PAPOLG: variants seen among roughly 807,000 people sequenced by gnomAD.
PAPOLG encodes poly(A) polymerase gamma, also known as PAP-gamma.
A neutral mutation model predicts 99.0 loss-of-function variants in PAPOLG; 40 were observed. The observed-to-expected ratio is 0.40, with a 90% confidence interval of 0.31 to 0.53. The LOEUF is 0.53. Among genes scored for constraint, PAPOLG ranks in the 20% least tolerant of loss-of-function variants. The pLI is 0.41. For synonymous variants in PAPOLG, 310 were observed against 299.3 expected (o/e 1.04, Z -0.37); for missense variants, 675 against 884.1 (o/e 0.76, Z 3.00).
chr2:60,757,243 C>G (rs1434466080), intron 1 of PAPOLG, among the ~76,000 whole-genome samples: 1 of 152,238 alleles, frequency 6.6e-6, no homozygotes, highest in Non-Finnish European at 1.5e-5. Flanking sequence ...CACGCACACA[C>G]ACGGTGTGTA....
In PAPOLG at chr2:60,756,338, G is replaced by T. The variant is rs180891538; in HGVS notation, c.-141G>T. 33 of 1,008,302 alleles carry T rather than the reference G, an allele frequency of 3.3e-5. 1 individual carries two copies. In the South Asian group the frequency reaches 4.4e-4, roughly 13 times the overall value. 62.5% of individuals were successfully genotyped at this position (1,008,302 alleles called of 1,614,324 possible). ...TGGTGTTTTCACTACTCGGTTGGAT[G>T]CCTCAGCCATAGTAAGTGGGAAAGT... On this transcript the variant is annotated 5_prime_UTR_variant, in exon 1 of 22. It removes an upstream start codon present in the reference 5' UTR. Transcript: ENST00000238714.
Position 60,801,866 on chromosome 2 carries a change from T to C in PAPOLG, c.*4706T>C, listed in dbSNP as rs1033181214. ...ATTTGAACAAAGACCCACGTACTTATCTTAGAAAGTACTTAGGATATCTTT... is the reference window on the plus strand; with the variant it reads ...ATTTGAACAAAGACCCACGTACTTACCTTAGAAAGTACTTAGGATATCTTT... On this transcript the variant is annotated 3_prime_UTR_variant, in exon 22 of 22. Coordinates refer to ENST00000238714, the MANE Select transcript of PAPOLG (RefSeq NM_022894.4). 2 of 114,130 alleles carry C rather than the reference T, an allele frequency of 1.8e-5. No homozygotes were observed. The highest frequency in any genetic ancestry group is 1.6e-4 in the Admixed American group (2 of 12,158). 7.1% of individuals were successfully genotyped at this position (114,130 alleles called of 1,614,324 possible).
At chr2:60,780,123 T>G (rs1418594537) in intron 9 of PAPOLG, among the ~76,000 whole-genome samples, 1 of 152,218 alleles carries the variant, frequency 6.6e-6, no homozygotes, top group Non-Finnish European at 1.5e-5. Context: ...TTGCTGTTAC[T>G]AAATTATCGG....
At chr2:60,792,589 G>A (rs560089026) in intron 17 of PAPOLG, among the ~76,000 whole-genome samples, 3 of 152,250 alleles carry the variant, frequency 2.0e-5, no homozygotes, top group Non-Finnish European at 2.9e-5. Context: ...AAATGTTAAA[G>A]TACAGGCCTG....
intron 18 of PAPOLG, 120 bp from the exon 19 acceptor site, chr2:60,793,851 C>T: frequency 7.1e-7 from 1 of 1,409,668 alleles, no homozygotes; most frequent in Non-Finnish European, 9.6e-7. Flanking sequence ...GTCAAGGCTG[C>T]AGTGAGCTGT....
intron 3 of PAPOLG, among the ~76,000 whole-genome samples, chr2:60,768,166 A>G (rs948580819): frequency 1.3e-5 from 2 of 152,144 alleles, no homozygotes; most frequent in Admixed American, 1.3e-4. Flanking sequence ...GCAATGGCAC[A>G]ATCTCGGCCG....
chr2:60,794,672 G>C, intron 19 of PAPOLG, 38 bp from the exon 20 acceptor site: 11 of 1,555,844 alleles, frequency 7.1e-6, no homozygotes, highest in Non-Finnish European at 9.7e-6. Context: ...GTTTTTGTAG[G>C]TACATAATAG....
rs1319026543 is a variant in PAPOLG at position 60,781,931 on chromosome 2, C to T, written c.953C>T (p.Ala318Val). The change falls in exon 11 of 22, where the codon GCC (alanine) becomes GTC (valine). Residue 318 changes from alanine to valine, a missense_variant. Transcript: ENST00000238714. ...CATCTCATGCCCATAATCACCCCTG[C>T]CTACCCACAACAGAATTCTACGTAT... The part of the protein sequence containing the change: ...RYHLMPIITP[A>V]YPQQNSTYNV... 2 of 1,613,796 alleles carry T rather than the reference C, an allele frequency of 1.2e-6. No homozygotes were observed. Among genetic ancestry groups the T allele is most frequent in the Non-Finnish European group, 1.7e-6 (2 of 1,179,728 alleles).
At position 60,794,087 on chromosome 2, in the gene PAPOLG, C is replaced by T; in HGVS notation, c.1885C>T (p.Pro629Ser). Residue 629 changes from proline (P) to serine (S), a missense_variant, in exon 19 of 22, where the codon CCG becomes TCG. Physicochemically the swap from Pro to Ser is moderately conservative, Grantham distance 74. Coordinates refer to ENST00000238714, the MANE Select transcript of PAPOLG (RefSeq NM_022894.4). ...ACCTCACAACCCTGCCCAGGGACAA[C>T]CGCATCTGAATGGAATGTCAAATAT... ...TTPHNPAQGQ[P>S]HLNGMSNITK... 6.2e-7 allele frequency: 1 copy of T among 1,614,142 alleles called. No homozygotes were observed. The highest frequency in any genetic ancestry group is 8.5e-7 in the Non-Finnish European group (1 of 1,180,018).
rs1670349757 is a variant in PAPOLG, at chr2:60,756,634, CG to C, written c.17+141del. On this transcript the variant is annotated intron_variant, in intron 1 of 21. Coordinates refer to ENST00000238714, the MANE Select transcript of PAPOLG (RefSeq NM_022894.4). Reference sequence around the variant, plus strand: ...GATGGTCTCCTTCCCGGCTCCCGGCCGGTCCGCAAGGGCACCTCCCCTAAAC... The same window carrying C: ...GATGGTCTCCTTCCCGGCTCCCGGCCGTCCGCAAGGGCACCTCCCCTAAAC... The C allele has an allele frequency of 1.4e-5, 14 of 991,178 alleles. 1 individual carries two copies. Among genetic ancestry groups the C allele is most frequent in the Non-Finnish European group, 1.9e-5 (13 of 688,806 alleles). The allele number at this position is 991,178 out of a possible 1,614,324, so 61.4% of individuals were successfully genotyped here.
intron 1 of PAPOLG, 41 bp downstream of exon 1, chr2:60,756,536 G>A (rs1034720758): frequency 1.9e-6 from 3 of 1,563,280 alleles, no homozygotes; most frequent in East Asian, 2.3e-5. Context: ...GGCGGGTAGG[G>A]GTGAGCTGAG....
intron 1 of PAPOLG, among the ~76,000 whole-genome samples, chr2:60,759,411 T>G (rs1206332788): frequency 6.6e-6 from 1 of 152,164 alleles, no homozygotes; most frequent in East Asian, 1.9e-4. Flanking sequence ...TGTTGTACTT[T>G]ATTCAAGACC....
chr2:60,774,921 A>G (rs757130079), intron 7 of PAPOLG, 113 bp from the exon 8 acceptor site: 56 of 1,498,290 alleles, frequency 3.7e-5, no homozygotes, highest in African/African-American at 3.0e-4. Context: ...ATAAGCCCCA[A>G]TGTTTTATTA....
intron 13 of PAPOLG, 120 bp from the exon 14 acceptor site, chr2:60,786,827 G>GC: frequency 8.1e-7 from 1 of 1,238,750 alleles, no homozygotes; most frequent in Non-Finnish European, 1.1e-6. Flanking sequence ...ACCATGCCCA[G>GC]CCCGAAGTTT....
intron 2 of PAPOLG, 59 bp downstream of exon 2, chr2:60,760,354 G>A (rs1025707449): frequency 2.1e-5 from 31 of 1,449,696 alleles, no homozygotes; most frequent in East Asian, 1.6e-4. Context: ...TTAATTCTGC[G>A]AACATATTGA....
At chr2:60,761,511 A>G (rs1251131746) in intron 2 of PAPOLG, among the ~76,000 whole-genome samples, 1 of 152,182 alleles carries the variant, frequency 6.6e-6, no homozygotes, top group African/African-American at 2.4e-5. Context: ...ATTTTTGAAA[A>G]TAGCTCAAAA....
chr2:60,783,269 G>T, intron 13 of PAPOLG, 60 bp downstream of exon 13: 3 of 959,812 alleles, frequency 3.1e-6, no homozygotes, highest in Non-Finnish European at 4.6e-6. Context: ...TATTTATATG[G>T]TGCTTTACCA....
rs550462517 is a variant in PAPOLG at position 60,799,081 on chromosome 2, T to C, written c.*1921T>C. ...GAATGATTATGAAAGAACCGAAGAA[T>C]TATCACCTGACTTCAACTTTTGAAA... On this transcript the variant is annotated 3_prime_UTR_variant, in exon 22 of 22. Coordinates refer to ENST00000238714, the MANE Select transcript of PAPOLG (RefSeq NM_022894.4). 6.6e-6 allele frequency: 1 copy of C among 152,504 alleles called. No homozygotes were observed. Among genetic ancestry groups the C allele is most frequent in the East Asian group, 1.9e-4 (1 of 5,326 alleles). 9.4% of individuals were successfully genotyped at this position (152,504 alleles called of 1,614,324 possible). A position where few individuals can be genotyped will look rare whatever the true frequency, so the allele number is the denominator to read the frequency against.
At chr2:60,764,302 A>G (rs547224558) in intron 3 of PAPOLG, among the ~76,000 whole-genome samples, 3 of 152,222 alleles carry the variant, frequency 2.0e-5, no homozygotes, top group African/African-American at 7.2e-5. Flanking sequence ...TTGAAAGCCC[A>G]CTGTTTAAAA....
Sources: gnomAD v4.1 joint callset for allele counts (sites outside exome capture counted in the v4.1 genomes callset) on GRCh38, gnomAD v4.1.1 for gene constraint, MANE v1.5 for transcripts, NCBI Gene and HGNC (gene_info 2026-07-23, HGNC 2026-07-21) for gene names.